Variants in CYP4A11 observed in about 807,000 individuals in gnomAD.
The protein encoded by CYP4A11 is cytochrome P450 family 4 subfamily A member 11, also known as cytochrome P450 4A11.
Under a neutral mutation model 57.7 loss-of-function variants are expected in CYP4A11, and 52 were observed. The observed-to-expected ratio is 0.90, with a 90% CI of 0.72 to 1.14. CYP4A11 has a LOEUF of 1.14. CYP4A11 is among the 50% of genes most tolerant of loss of function. CYP4A11 has a pLI of 0.00. For synonymous variants in CYP4A11, 228 were observed against 247.1 expected (o/e 0.92, Z 0.72); for missense variants, 641 against 642.1 (o/e 1.00, Z 0.02).
Position 46,935,003 on chromosome 1 carries a change from T to C in CYP4A11, c.787A>G (p.Thr263Ala). 6.2e-7 allele frequency: 1 copy of C among 1,613,726 alleles called. No individual in the cohort carries two copies. Among genetic ancestry groups the C allele is most frequent in the African/African-American group, 1.3e-5 (1 of 75,022 alleles). Reference sequence around the variant, plus strand: ...AGACAAGAGGAAAAGACAGAACCTGTGTGCTGATGGGCCAGCTGGCAGGCG... The same window carrying C: ...AGACAAGAGGAAAAGACAGAACCTGCGTGCTGATGGGCCAGCTGGCAGGCG... ...HRACQLAHQH[T>A]DQVIQLRKAQ... The change falls in exon 6 of 12, where the codon ACA (threonine) becomes GCA (alanine). Residue 263 changes from threonine (T) to alanine (A), a missense_variant. Physicochemically the swap from Thr to Ala is moderately conservative, Grantham distance 58 (BLOSUM62 0). Coordinates refer to ENST00000310638, the MANE Select transcript of CYP4A11 (RefSeq NM_000778.4).
intron 1 of CYP4A11, among the ~76,000 whole-genome samples, 190 bp from the exon 2 acceptor site, chr1:46,938,327 C>A (rs1315844298): frequency 2.6e-5 from 4 of 152,160 alleles, no homozygotes; most frequent in Admixed American, 6.5e-5. Flanking sequence ...CGCTATGAGC[C>A]CTCGCTCAAT....
intron 9 of CYP4A11, among the ~76,000 whole-genome samples, chr1:46,933,288 T>A (rs1249387172): frequency 6.6e-6 from 1 of 152,174 alleles, no homozygotes; most frequent in African/African-American, 2.4e-5. Flanking sequence ...GCATTACTCT[T>A]TAGAGTAAGT....
Position 46,930,130 on chromosome 1 carries a change from G to A in CYP4A11, c.1545C>T (p.Asp515=). The A allele has an allele frequency of 6.2e-7, 1 of 1,612,534 alleles. No homozygotes were observed. The highest frequency in any genetic ancestry group is 1.1e-5 in the South Asian group (1 of 90,832). The part of the protein sequence containing the change: ...RLRRLPNPCE[D]KDQL ...GTGGAGGCCCTCAAAGCTGGTCCTT[G>A]TCTTCACAAGGGTTAGGGAGCCTCC... The change falls in exon 12 of 12, where the codon GAC becomes GAT. Residue 515 remains aspartate, a synonymous_variant. Coordinates refer to ENST00000310638, the MANE Select transcript of CYP4A11 (RefSeq NM_000778.4).
In CYP4A11 at chr1:46,929,755, C is replaced by A. The variant is rs1445313714; in HGVS notation, c.*360G>T. 2 of 150,710 alleles carry A rather than the reference C, an allele frequency of 1.3e-5. No individual in the cohort carries two copies. The highest frequency in any genetic ancestry group is 1.7e-4 in the East Asian group (1 of 6,020). 9.3% of individuals were successfully genotyped at this position (150,710 alleles called of 1,614,324 possible). ...TATGCCCCGGGCTTAGATTATGGTG[C>A]GTCAGGGTAGCCTTCCACCCTTCAG... On this transcript the variant is annotated 3_prime_UTR_variant, in exon 12 of 12. Coordinates refer to ENST00000310638, the MANE Select transcript of CYP4A11 (RefSeq NM_000778.4).
At chr1:46,940,392 A>T (rs1445993955) in intron 1 of CYP4A11, among the ~76,000 whole-genome samples, 1 of 152,188 alleles carries the variant, frequency 6.6e-6, no homozygotes, top group East Asian at 1.9e-4. Context: ...CGTGGGTTGG[A>T]CAAGCTTGCT....
chr1:46,933,873 T>A (rs576467460), intron 9 of CYP4A11, 73 bp downstream of exon 9: 35 of 1,585,858 alleles, frequency 2.2e-5, no homozygotes, highest in South Asian at 2.2e-4. Context: ...AGAATTCTGA[T>A]GCACACATGG....
intron 3 of CYP4A11, 52 bp downstream of exon 3, chr1:46,937,250 A>G (rs1570096785): frequency 6.3e-7 from 1 of 1,590,784 alleles, no homozygotes; most frequent in Non-Finnish European, 8.6e-7. Context: ...AGCCAAATAA[A>G]TAACTCAAAC....
chr1:46,930,492 T>A (rs1480374205), intron 11 of CYP4A11, among the ~76,000 whole-genome samples, 182 bp from the exon 12 acceptor site: 2 of 152,056 alleles, frequency 1.3e-5, no homozygotes, highest in African/African-American at 4.8e-5. Context: ...ACTATCCCAA[T>A]CCTTGGACAG....
chr1:46,935,189 G>T (rs1295684979), intron 5 of CYP4A11, 35 bp from the exon 6 acceptor site: 3 of 1,596,560 alleles, frequency 1.9e-6, no homozygotes, highest in African/African-American at 1.3e-5. Context: ...CTGCAGTAGG[G>T]GTGGGCCCAT....
chr1:46,941,275 G>A lies in CYP4A11; in HGVS notation c.159C>T (p.Cys53=). 2 of 1,614,046 alleles carry A rather than the reference G, an allele frequency of 1.2e-6. No homozygotes were observed. Among genetic ancestry groups the A allele is most frequent in the South Asian group, 1.1e-5 (1 of 91,070 alleles). The change falls in exon 1 of 12, where the codon TGC becomes TGT. Residue 53 remains cysteine (C), a synonymous_variant. Transcript: ENST00000310638. ...WLLKALQQFP[C]PPSHWLFGHI... is the part of the protein sequence containing the mutation. ...GCCCGAAGAGCCAGTGGGAGGGAGGGCACGGGAACTGCTGGAGGGCTTTGA... is the reference window on the plus strand; with the variant it reads ...GCCCGAAGAGCCAGTGGGAGGGAGGACACGGGAACTGCTGGAGGGCTTTGA...
In CYP4A11 at chr1:46,935,046, A is replaced by C; in HGVS notation, c.744T>G (p.Ala248=). 3.7e-6 allele frequency: 6 copies of C among 1,614,192 alleles called. No homozygotes were observed. Among genetic ancestry groups the C allele is most frequent in the Non-Finnish European group, 5.1e-6 (6 of 1,180,032 alleles). The part of the protein sequence containing the change: ...QNDTIYSLTS[A]GRWTHRACQL... ...GGCAGGCGCGGTGTGTCCAGCGGCCAGCAGAGGTCAGGCTGTAGATGGTGT... is the reference window on the plus strand; with the variant it reads ...GGCAGGCGCGGTGTGTCCAGCGGCCCGCAGAGGTCAGGCTGTAGATGGTGT... Residue 248 remains alanine, a synonymous_variant, in exon 6 of 12, where the codon GCT becomes GCG. Transcript: ENST00000310638.
rs770769451 is a variant in CYP4A11 at position 46,941,237 on chromosome 1, A to T, written c.195+2T>A. On this transcript the variant is annotated splice_donor_variant, in intron 1 of 11. Transcript: ENST00000310638. LOFTEE classifies it high-confidence loss of function. ...CCACTCCCCCATTGAGTTCCTCCCT[A>T]CCTCCTGGATGTGCCCGAAGAGCCA... is the stretch of plus-strand genomic sequence containing the variant. 3 of 1,610,992 alleles carry T rather than the reference A, an allele frequency of 1.9e-6. No homozygotes were observed. The highest frequency in any genetic ancestry group is 2.2e-5 in the East Asian group (1 of 44,734).
Position 46,930,154 on chromosome 1 carries a change from C to A in CYP4A11, c.1521G>T (p.Arg507Ser). ...KSKNGIHLRL[R>S]RLPNPCEDKD... ...TGTCTTCACAAGGGTTAGGGAGCCT[C>A]CTGAGACGCAGGTGGATTCCATTTT... is the stretch of plus-strand genomic sequence containing the variant. Residue 507 changes from arginine to serine, a missense_variant, in exon 12 of 12, where the codon AGG becomes AGT. By Grantham distance (110) the Arg-to-Ser change is moderately radical. Transcript: ENST00000310638. 6.2e-7 allele frequency: 1 copy of A among 1,613,954 alleles called. No homozygotes were observed. The highest frequency in any genetic ancestry group is 8.5e-7 in the Non-Finnish European group (1 of 1,179,912).
chr1:46,933,103 G>T, intron 9 of CYP4A11, 56 bp from the exon 10 acceptor site: 3 of 1,602,066 alleles, frequency 1.9e-6, no homozygotes, highest in Non-Finnish European at 2.6e-6. Context: ...GGGTGGCCTG[G>T]TACTTCAGCC....
In CYP4A11 at chr1:46,930,085, T is replaced by C; in HGVS notation, c.*30A>G. Reference sequence around the variant, plus strand: ...GACAGGAAGGGGACAGAAGCGGGGGTCAGGAAGACAGGACGGCAGGTGGAG... The same window carrying C: ...GACAGGAAGGGGACAGAAGCGGGGGCCAGGAAGACAGGACGGCAGGTGGAG... On this transcript the variant is annotated 3_prime_UTR_variant, in exon 12 of 12. Coordinates refer to ENST00000310638, the MANE Select transcript of CYP4A11 (RefSeq NM_000778.4). 1 of 1,582,538 alleles carries C rather than the reference T, an allele frequency of 6.3e-7. No homozygotes were observed. Among genetic ancestry groups the C allele is most frequent in the Non-Finnish European group, 8.6e-7 (1 of 1,161,788 alleles).
chr1:46,934,154 C>T (rs1177785921), intron 8 of CYP4A11, 22 bp downstream of exon 8: 1 of 1,612,304 alleles, frequency 6.2e-7, no homozygotes, highest in East Asian at 2.2e-5. Flanking sequence ...CAGGGAACCC[C>T]ATCTTTTGAG....
chr1:46,933,760 T>C (rs1341020171), intron 9 of CYP4A11, among the ~76,000 whole-genome samples, 186 bp downstream of exon 9: 1 of 152,168 alleles, frequency 6.6e-6, no homozygotes, highest in Non-Finnish European at 1.5e-5. Context: ...TTCTTGAACT[T>C]TTGGTGGGTT....
intron 1 of CYP4A11, among the ~76,000 whole-genome samples, 193 bp from the exon 2 acceptor site, chr1:46,938,330 C>T (rs1681547460): frequency 2.0e-5 from 3 of 152,338 alleles, no homozygotes; most frequent in South Asian, 4.1e-4. Context: ...TATGAGCCCT[C>T]GCTCAATGCT....
intron 3 of CYP4A11, 122 bp from the exon 4 acceptor site, chr1:46,936,913 A>G: frequency 1.4e-6 from 2 of 1,446,888 alleles, no homozygotes; most frequent in African/African-American, 2.8e-5. Context: ...TCTCAAGGGG[A>G]GAACTATCCA....
Sources: gnomAD v4.1 joint callset for allele counts (sites outside exome capture counted in the v4.1 genomes callset) on GRCh38, gnomAD v4.1.1 for gene constraint, MANE v1.5 for transcripts, NCBI Gene and HGNC (gene_info 2026-07-23, HGNC 2026-07-21) for gene names.